PEBP4: variants seen among roughly 807,000 people sequenced by gnomAD.
The protein encoded by PEBP4 is phosphatidylethanolamine-binding protein 4.
In PEBP4, 22 loss-of-function variants were observed where a neutral mutation model predicts 23.9. That is an observed-to-expected ratio of 0.92 (90% CI 0.66 to 1.31). The LOEUF is 1.31. Among genes scored for constraint, PEBP4 ranks in the 40% most tolerant of loss-of-function variants. PEBP4 has a pLI of 0.00. For missense variants in PEBP4, 324 were observed against 281.7 expected (o/e 1.15, Z -1.07); for synonymous variants, 112 against 99.3 (o/e 1.13, Z -0.76).
intron 5 of PEBP4, among the ~76,000 whole-genome samples, chr8:22,725,496 G>C (rs1366418610): frequency 6.6e-6 from 1 of 151,968 alleles, no homozygotes; most frequent in Admixed American, 6.6e-5. Flanking sequence ...CTGGGTGCTC[G>C]GGGCATCAGG....
chr8:22,904,791 C>T (rs1483251460), intron 3 of PEBP4, among the ~76,000 whole-genome samples: 2 of 152,196 alleles, frequency 1.3e-5, no homozygotes, highest in African/African-American at 4.8e-5. Context: ...TTCCAACAGC[C>T]TTAAATATTC....
chr8:22,924,674 C>T (rs1809285230), intron 2 of PEBP4: 5 of 985,324 alleles, frequency 5.1e-6, no homozygotes, highest in Non-Finnish European at 4.8e-6. Flanking sequence ...AGCTCCCATC[C>T]CTAGGGGAGC....
At chr8:22,746,312 T>C (rs1406314718) in intron 4 of PEBP4, among the ~76,000 whole-genome samples, 1 of 152,152 alleles carries the variant, frequency 6.6e-6, no homozygotes, top group Non-Finnish European at 1.5e-5. Context: ...GGCTGATCAA[T>C]TTGGAAGCAG....
intron 4 of PEBP4, among the ~76,000 whole-genome samples, chr8:22,743,981 G>C (rs1163005136): frequency 1.3e-5 from 2 of 152,220 alleles, no homozygotes; most frequent in African/African-American, 2.4e-5. Context: ...AGCTTGGTGA[G>C]ATCACAGCCT....
At chr8:22,870,640 T>A (rs1166992050) in intron 3 of PEBP4, among the ~76,000 whole-genome samples, 1 of 152,102 alleles carries the variant, frequency 6.6e-6, no homozygotes, top group Non-Finnish European at 1.5e-5. Flanking sequence ...AATGCACCCC[T>A]CTGGTGGAGA....
intron 3 of PEBP4, among the ~76,000 whole-genome samples, chr8:22,904,445 C>A (rs1435105510): frequency 6.6e-6 from 1 of 152,206 alleles, no homozygotes; most frequent in Non-Finnish European, 1.5e-5. Flanking sequence ...GTTACAGTTT[C>A]CACAGCAACC....
At chr8:22,931,625 C>T (rs540044662), upstream of PEBP4, among the ~76,000 whole-genome samples, 42 of 152,050 alleles carry the variant, frequency 2.8e-4, no homozygotes, top group African/African-American at 9.4e-4. Flanking sequence ...TCGCTGTCAC[C>T]GGGGCTGGAA....
chr8:22,757,140 C>T (rs1311183154), intron 4 of PEBP4: 1 of 152,218 alleles, frequency 6.6e-6, no homozygotes, highest in Non-Finnish European at 1.5e-5. Flanking sequence ...TGCCAGGGTT[C>T]ATCTTTTAAA....
chr8:22,895,098 G>A (rs1166126806), intron 3 of PEBP4, among the ~76,000 whole-genome samples: 1 of 152,122 alleles, frequency 6.6e-6, no homozygotes, highest in Non-Finnish European at 1.5e-5. Flanking sequence ...TCTGAGAAAT[G>A]TATAGTAAGG....
intron 3 of PEBP4, among the ~76,000 whole-genome samples, chr8:22,830,675 G>A (rs991066393): frequency 2.0e-5 from 3 of 151,964 alleles, no homozygotes; most frequent in Non-Finnish European, 2.9e-5. Context: ...ACTAGAAACC[G>A]GGGCACCATC....
intron 4 of PEBP4, among the ~76,000 whole-genome samples, chr8:22,770,943 A>G (rs181427231): frequency 3.1e-4 from 47 of 152,360 alleles, no homozygotes; most frequent in African/African-American, 1.1e-3. Flanking sequence ...TTGCCCACCC[A>G]TAAAATGGGA....
chr8:22,889,980 TTGAGGTCTC>T (rs1808459884), intron 3 of PEBP4, among the ~76,000 whole-genome samples: 1 of 152,216 alleles, frequency 6.6e-6, no homozygotes, highest in Admixed American at 6.5e-5. Context: ...CCAAGCAATA[TTGAGGTCTC>T]TGAGCAAGCC....
chr8:22,916,989 T>G (rs929598871), intron 3 of PEBP4, among the ~76,000 whole-genome samples: 1 of 152,230 alleles, frequency 6.6e-6, no homozygotes, highest in African/African-American at 2.4e-5. Flanking sequence ...GGAAGCATTG[T>G]GACGGGAGCA....
intron 3 of PEBP4, among the ~76,000 whole-genome samples, chr8:22,900,780 C>T (rs1352840913): frequency 6.6e-6 from 1 of 152,170 alleles, no homozygotes; most frequent in Non-Finnish European, 1.5e-5. Context: ...TTTCCTGGCC[C>T]CACCTGTGAA....
At chr8:22,740,835 C>T (rs1353604775) in intron 4 of PEBP4, among the ~76,000 whole-genome samples, 1 of 152,134 alleles carries the variant, frequency 6.6e-6, no homozygotes, top group East Asian at 1.9e-4. Flanking sequence ...CTGCTTAGAG[C>T]CATGGAAAGT....
At chr8:22,716,588 C>T (rs1018046788) in intron 6 of PEBP4, among the ~76,000 whole-genome samples, 6 of 152,222 alleles carry the variant, frequency 3.9e-5, no homozygotes, top group African/African-American at 1.4e-4. Flanking sequence ...TTGACAGTCA[C>T]TCTCTCCACC....
intron 2 of PEBP4, chr8:22,925,406 T>G: frequency 1.9e-5 from 16 of 828,214 alleles, no homozygotes; most frequent in Non-Finnish European, 2.3e-5. Context: ...GGGCTAGATC[T>G]TGGCTCTGCT....
rs186639544 is a variant in PEBP4 at position 22,824,915 on chromosome 8, C to T, written c.259-7180G>A. On this transcript the variant is annotated intron_variant, in intron 3 of 6. Coordinates refer to ENST00000256404, the MANE Select transcript of PEBP4 (RefSeq NM_144962.3). ...GCTGTGTGGCCCAGTTCCTAACAGG[C>T]CATGGACCGGTACTGGGGGTTGGGG... 3.0e-3 allele frequency among the ~76,000 whole-genome samples: 451 copies of T among 152,322 alleles called. 5 individuals are homozygous for T. Among genetic ancestry groups the T allele is most frequent in the Admixed American group, 0.027 (420 of 15,302 alleles).
intron 1 of PEBP4, among the ~76,000 whole-genome samples, chr8:22,933,246 T>C (rs1809488081): frequency 6.6e-6 from 1 of 152,134 alleles, no homozygotes; most frequent in Non-Finnish European, 1.5e-5. Context: ...GCAGACCGAC[T>C]ACAGACCTTC....
Sources: allele counts gnomAD v4.1 joint callset (sites outside exome capture counted in the v4.1 genomes callset), GRCh38; gene constraint gnomAD v4.1.1; transcripts MANE v1.5; gene names NCBI Gene and HGNC (gene_info 2026-07-23, HGNC 2026-07-21).